MYO5A: variants seen among roughly 807,000 people sequenced by gnomAD.
The protein encoded by MYO5A is unconventional myosin-Va.
Under a neutral mutation model 249.7 loss-of-function variants are expected in MYO5A, and 98 were observed. The observed-to-expected ratio is 0.39, with a 90% CI of 0.33 to 0.46. The LOEUF is 0.46. Ranked by LOEUF, MYO5A falls within the 20% of genes least tolerant of loss-of-function variation. MYO5A has a pLI of 0.98. For missense variants in MYO5A, 1,696 were observed against 2,308.8 expected (o/e 0.73, Z 5.44); for synonymous variants, 778 against 810.6 (o/e 0.96, Z 0.68).
chr15:52,449,189 G>C (rs1394055062), intron 1 of MYO5A, among the ~76,000 whole-genome samples: 1 of 151,792 alleles, frequency 6.6e-6, no homozygotes, highest in African/African-American at 2.4e-5. Context: ...GGCTGGTCTT[G>C]AACTCCTGAC....
chr15:52,442,424 G>C (rs1280147569), intron 1 of MYO5A, among the ~76,000 whole-genome samples: 1 of 152,182 alleles, frequency 6.6e-6, no homozygotes, highest in Non-Finnish European at 1.5e-5. Flanking sequence ...GAGAAGTGAA[G>C]AGCAGAAGTG....
chr15:52,497,129 T>A (rs1442369167), intron 1 of MYO5A, among the ~76,000 whole-genome samples: 2 of 152,086 alleles, frequency 1.3e-5, no homozygotes, highest in Non-Finnish European at 2.9e-5. Flanking sequence ...GCCCGGCTAA[T>A]TTTTGTATTT....
chr15:52,420,277 C>T (rs1409725372), intron 4 of MYO5A, among the ~76,000 whole-genome samples: 2 of 149,498 alleles, frequency 1.3e-5, no homozygotes, highest in African/African-American at 5.0e-5. Context: ...TACACCCTTG[C>T]CTGGGTGACA....
At chr15:52,508,561 C>G (rs141672286) in intron 1 of MYO5A, among the ~76,000 whole-genome samples, 70 of 152,230 alleles carry the variant, frequency 4.6e-4, no homozygotes, top group African/African-American at 1.5e-3. Context: ...AGCACACTGG[C>G]CAAGATTACT....
At chr15:52,397,641 T>A (rs2042548488) in intron 9 of MYO5A, among the ~76,000 whole-genome samples, 175 bp from the exon 10 acceptor site, 1 of 152,232 alleles carries the variant, frequency 6.6e-6, no homozygotes, top group African/African-American at 2.4e-5. Flanking sequence ...TAAACTGGCA[T>A]CCAGGCAGCA....
intron 28 of MYO5A, 33 bp downstream of exon 28, chr15:52,351,221 G>C: frequency 6.4e-7 from 1 of 1,567,904 alleles, no homozygotes; most frequent in Non-Finnish European, 8.8e-7. Context: ...GCCAGTCCCC[G>C]AACACCCAGT....
At position 52,372,463 on chromosome 15, in the gene MYO5A, A is replaced by T. The variant is rs2041176663; in HGVS notation, c.2578-100T>A. ...AAAATCCACACATTACCTAGAGGAAAAGACATAAAAGTTGAATTGACAATG... is the reference window on the plus strand; with the variant it reads ...AAAATCCACACATTACCTAGAGGAATAGACATAAAAGTTGAATTGACAATG... On this transcript the variant is annotated intron_variant, in intron 20 of 41. Transcript: ENST00000399233. 24 of 1,473,002 alleles carry T rather than the reference A, an allele frequency of 1.6e-5. 2 individuals are homozygous for T. In the South Asian group the frequency reaches 2.7e-4, roughly 17 times the overall value. 91.2% of individuals were successfully genotyped at this position (1,473,002 alleles called of 1,614,324 possible).
chr15:52,526,364 T>TTTTA (rs1024468559), intron 1 of MYO5A, among the ~76,000 whole-genome samples: 32 of 152,014 alleles, frequency 2.1e-4, no homozygotes, highest in African/African-American at 6.3e-4. Context: ...CCCAGCTAAT[T>TTTTA]TTTATTTATT....
chr15:52,348,609 C>A (rs1180180140), intron 29 of MYO5A, among the ~76,000 whole-genome samples: 1 of 152,174 alleles, frequency 6.6e-6, no homozygotes, highest in Non-Finnish European at 1.5e-5. Context: ...GGAGTCCCCT[C>A]TATAATCTAG....
chr15:52,505,409 A>C, intron 1 of MYO5A: 1 of 807,236 alleles, frequency 1.2e-6, no homozygotes, highest in Non-Finnish European at 2.3e-6. Flanking sequence ...GGAGTGAAGA[A>C]AGCTTTGGGC....
chr15:52,393,916 T>C (rs554243620), intron 11 of MYO5A, among the ~76,000 whole-genome samples: 1 of 152,342 alleles, frequency 6.6e-6, no homozygotes, highest in Admixed American at 6.5e-5. Context: ...TTAATTTATA[T>C]GTAGTCTCAA....
Position 52,456,342 on chromosome 15 carries a change from C to T in MYO5A, c.28-23057G>A, listed in dbSNP as rs149520054. On this transcript the variant is annotated intron_variant, in intron 1 of 41. Coordinates refer to ENST00000399233, the MANE Select transcript of MYO5A (RefSeq NM_001382347.1). The stretch of plus-strand genomic sequence containing the variant: ...CACACAAAAACATGGAAAGATATTC[C>T]ATGCTTGTGGATGAAAAGACTTAAT... 6.1e-3 allele frequency among the ~76,000 whole-genome samples: 925 copies of T among 152,196 alleles called. 15 individuals are homozygous for T. The highest frequency in any genetic ancestry group is 0.021 in the African/African-American group (888 of 41,516).
intron 20 of MYO5A, among the ~76,000 whole-genome samples, 163 bp from the exon 21 acceptor site, chr15:52,372,526 C>T (rs1291571324): frequency 1.3e-5 from 2 of 152,028 alleles, no homozygotes; most frequent in African/African-American, 4.8e-5. Context: ...TATATGGAGG[C>T]TACAAAATTA....
Position 52,425,904 on chromosome 15 carries a change from G to A in MYO5A, c.381C>T (p.Tyr127=), listed in dbSNP as rs1370398054. ...CCATATCACCCATGTTCTGACCACT[G>A]TATGCATTAATAATATCTTCTCCAT... ...PIYGEDIINA[Y]SGQNMGDMDP... Residue 127 remains tyrosine, a synonymous_variant, in exon 4 of 42, where the codon TAC becomes TAT. Transcript: ENST00000399233. The A allele has an allele frequency of 6.2e-7, 1 of 1,613,310 alleles. No individual in the cohort carries two copies. The highest frequency in any genetic ancestry group is 1.7e-5 in the Admixed American group (1 of 60,020).
rs551684168 is a variant in MYO5A, at chr15:52,455,651, T to C, written c.28-22366A>G. On this transcript the variant is annotated intron_variant, in intron 1 of 41. Transcript: ENST00000399233. ...ATTCATCCCAGACATGCAAGGATGGTTCAACATACACAAATCAATAAATGT... is the reference window on the plus strand; with the variant it reads ...ATTCATCCCAGACATGCAAGGATGGCTCAACATACACAAATCAATAAATGT... 1.4e-3 allele frequency among the ~76,000 whole-genome samples: 207 copies of C among 152,100 alleles called. 1 individual carries two copies. Among genetic ancestry groups the C allele is most frequent in the Non-Finnish European group, 2.5e-3 (172 of 67,938 alleles).
intron 17 of MYO5A, 22 bp downstream of exon 17, chr15:52,379,800 A>C: frequency 6.2e-7 from 1 of 1,614,136 alleles, no homozygotes; most frequent in Non-Finnish European, 8.5e-7. Flanking sequence ...GATCCCTTAC[A>C]TCTGAAAAAT....
At chr15:52,445,885 C>T (rs563378583) in intron 1 of MYO5A, among the ~76,000 whole-genome samples, 1 of 152,100 alleles carries the variant, frequency 6.6e-6, no homozygotes, top group Non-Finnish European at 1.5e-5. Context: ...CCGACTGCTT[C>T]GAACAGCCTA....
intron 1 of MYO5A, among the ~76,000 whole-genome samples, chr15:52,486,222 C>A (rs566618728): frequency 8.5e-5 from 13 of 152,254 alleles, no homozygotes; most frequent in Admixed American, 6.5e-4. Flanking sequence ...CATGTCCAGG[C>A]GTCTCTTCCT....
intron 35 of MYO5A, 59 bp from the exon 36 acceptor site, chr15:52,328,065 T>C: frequency 2.2e-6 from 3 of 1,352,026 alleles, no homozygotes; most frequent in Non-Finnish European, 3.1e-6. Context: ...AGGCATGCAT[T>C]GTGAGATATA....
Sources: allele counts gnomAD v4.1 joint callset (sites outside exome capture counted in the v4.1 genomes callset), GRCh38; gene constraint gnomAD v4.1.1; transcripts MANE v1.5; gene names NCBI Gene and HGNC (gene_info 2026-07-23, HGNC 2026-07-21).